MEF2B: variants seen among roughly 807,000 people sequenced by gnomAD.
The protein encoded by MEF2B is myocyte-specific enhancer factor 2B.
Under a neutral mutation model 32.2 loss-of-function variants are expected in MEF2B, and 15 were observed. The observed-to-expected ratio is 0.47, with a 90% CI of 0.31 to 0.72. MEF2B has a LOEUF of 0.72. Among genes scored for constraint, MEF2B ranks in the 30% least tolerant of loss-of-function variants. MEF2B has a pLI of 0.05. For missense variants in MEF2B, 441 were observed against 511.5 expected (o/e 0.86, Z 1.33); for synonymous variants, 205 against 225.6 (o/e 0.91, Z 0.82).
chr19:19,166,240 G>A (rs2060206574), intron 1 of MEF2B, among the ~76,000 whole-genome samples: 1 of 152,102 alleles, frequency 6.6e-6, no homozygotes, highest in South Asian at 2.1e-4. Flanking sequence ...GTGGGCCTGG[G>A]CTTGTCCAGC....
chr19:19,160,986 C>T lies in MEF2B; in HGVS notation c.-30+9219G>A, dbSNP rs146433472. 6.3e-4 allele frequency among the ~76,000 whole-genome samples: 96 copies of T among 152,200 alleles called. No homozygotes were observed. The East Asian group carries it at 0.016, about 26-fold the overall frequency. Reference sequence around the variant, plus strand: ...CAGTTCACAGCGGTCCCTGGAGCCCCGCACCTGCCCTCAGGGACTCAGGGG... The same window carrying T: ...CAGTTCACAGCGGTCCCTGGAGCCCTGCACCTGCCCTCAGGGACTCAGGGG... On this transcript the variant is annotated intron_variant, in intron 1 of 8. Coordinates refer to ENST00000424583, the MANE Select transcript of MEF2B (RefSeq NM_001145785.2).
intron 1 of MEF2B, among the ~76,000 whole-genome samples, chr19:19,167,547 G>GA (rs1458373039): frequency 6.6e-6 from 1 of 151,824 alleles, no homozygotes; most frequent in African/African-American, 2.4e-5. Flanking sequence ...AAGAAAGAAA[G>GA]AAAGAAACCT....
chr19:19,146,705 G>A, intron 6 of MEF2B, 37 bp downstream of exon 6: 1 of 1,613,732 alleles, frequency 6.2e-7, no homozygotes, highest in Non-Finnish European at 8.5e-7. Flanking sequence ...CGCCCTGCCT[G>A]CCCTCATCAG....
intron 2 of MEF2B, among the ~76,000 whole-genome samples, chr19:19,150,290 G>A (rs1470393634): frequency 2.0e-5 from 3 of 151,690 alleles, no homozygotes; most frequent in Non-Finnish European, 4.4e-5. Context: ...AGCACTTTGG[G>A]AGGCCGAGGC....
intron 1 of MEF2B, among the ~76,000 whole-genome samples, chr19:19,158,921 T>C (rs983307191): frequency 1.3e-5 from 2 of 150,496 alleles, no homozygotes; most frequent in Non-Finnish European, 3.0e-5. Flanking sequence ...CGGGCAACAT[T>C]GTGAGACTGA....
At chr19:19,167,624 T>G (rs968391298) in intron 1 of MEF2B, among the ~76,000 whole-genome samples, 3 of 152,178 alleles carry the variant, frequency 2.0e-5, no homozygotes, top group Non-Finnish European at 4.4e-5. Flanking sequence ...AGCAAATGTT[T>G]TAAATTCCCC....
chr19:19,166,064 C>T (rs2060205028), intron 1 of MEF2B, among the ~76,000 whole-genome samples: 1 of 152,136 alleles, frequency 6.6e-6, no homozygotes, highest in Admixed American at 6.5e-5. Context: ...GCCTGACCCC[C>T]AGACACCCCA....
intron 7 of MEF2B, 21 bp from the exon 8 acceptor site, chr19:19,146,405 G>C: frequency 9.3e-7 from 1 of 1,076,006 alleles, no homozygotes; most frequent in Non-Finnish European, 1.3e-6. Context: ...GGAATTGGGG[G>C]CTGAGGCCTG....
intron 1 of MEF2B, among the ~76,000 whole-genome samples, chr19:19,156,374 C>T (rs889756544): frequency 4.0e-5 from 6 of 151,246 alleles, no homozygotes; most frequent in East Asian, 1.9e-4. Context: ...ACCTAGGCAA[C>T]ATAGCGAGAC....
chr19:19,146,275 G>A lies in MEF2B; in HGVS notation c.879C>T (p.Pro293=), dbSNP rs1413439161. 4 of 1,330,084 alleles carry A rather than the reference G, an allele frequency of 3.0e-6. No individual in the cohort carries two copies. Among genetic ancestry groups the A allele is most frequent in the Non-Finnish European group, 3.9e-6 (4 of 1,030,242 alleles). 82.4% of individuals were successfully genotyped at this position (1,330,084 alleles called of 1,614,324 possible). Residue 293 remains proline (P), a splice_region_variant and synonymous_variant, in exon 8 of 9, where the codon CCC becomes CCT. Transcript: ENST00000424583. The part of the protein sequence containing the change: ...GDGPPAVSSQ[P]SGGRSLGEEG... ...TGCCGTCGTCTCAGGGCACTTACCTGGGCTGGGAGGACACGGCGGGGGGCC... is the reference window on the plus strand; with the variant it reads ...TGCCGTCGTCTCAGGGCACTTACCTAGGCTGGGAGGACACGGCGGGGGGCC...
chr19:19,149,526 T>G, intron 2 of MEF2B, 97 bp from the exon 3 acceptor site: 1 of 1,482,694 alleles, frequency 6.7e-7, no homozygotes, highest in South Asian at 1.2e-5. Flanking sequence ...TCCTCGAACA[T>G]GCCTCAGGAT....
chr19:19,146,322 AG>A lies in MEF2B; in HGVS notation c.831del (p.Trp278GlyfsTer126). On this transcript the variant is annotated frameshift_variant, in exon 8 of 9. Transcript: ENST00000424583. LOFTEE classifies it low-confidence loss of function (END_TRUNC). The part of the protein sequence containing the change: ...PGLLQPPTLA[P>X]WQPSRGDGPP... ...GGCCCATCACCCCTCGAGGGCTGCC[AG>A]GGGGCCAGGGTGGGGGGCTGCAACA... 3.7e-6 allele frequency: 4 copies of A among 1,081,716 alleles called. No individual in the cohort carries two copies. Among genetic ancestry groups the A allele is most frequent in the Non-Finnish European group, 4.6e-6 (4 of 870,850 alleles). The allele number at this position is 1,081,716 out of a possible 1,614,324, so 67.0% of individuals were successfully genotyped here.
At chr19:19,149,524 C>G in intron 2 of MEF2B, 95 bp from the exon 3 acceptor site, 1 of 1,500,642 alleles carries the variant, frequency 6.7e-7, no homozygotes, top group Non-Finnish European at 9.1e-7. Context: ...CTTCCTCGAA[C>G]ATGCCTCAGG....
chr19:19,145,915 G>A lies in MEF2B; in HGVS notation c.989C>T (p.Pro330Leu). The A allele has an allele frequency of 1.4e-6, 2 of 1,441,000 alleles. No homozygotes were observed. The highest frequency in any genetic ancestry group is 1.8e-6 in the Non-Finnish European group (2 of 1,096,072). 89.3% of individuals were successfully genotyped at this position (1,441,000 alleles called of 1,614,324 possible). A position where few individuals can be genotyped will look rare whatever the true frequency, so the allele number is the denominator to read the frequency against. ...GGGGAAGGTCTTAGGAAAGTCGCCGGGGCCCCCGGGGGCCGGAGAGAGGCG... is the reference window on the plus strand; with the variant it reads ...GGGGAAGGTCTTAGGAAAGTCGCCGAGGCCCCCGGGGGCCGGAGAGAGGCG... The part of the protein sequence containing the change: ...SERLSPAPGG[P>L]GDFPKTFPYP... Residue 330 changes from proline (P) to leucine (L), a missense_variant, in exon 9 of 9, where the codon CCC (proline) becomes CTC (leucine). By Grantham distance (98) the Pro-to-Leu change is moderately conservative (BLOSUM62 -3). Coordinates refer to ENST00000424583, the MANE Select transcript of MEF2B (RefSeq NM_001145785.2). The surrounding 1 kb of genome is among the most constrained non-coding windows in gnomAD (Gnocchi z 4.6).
At chr19:19,162,775 A>T (rs1468043559) in intron 1 of MEF2B, among the ~76,000 whole-genome samples, 1 of 152,188 alleles carries the variant, frequency 6.6e-6, no homozygotes, top group Non-Finnish European at 1.5e-5. Context: ...CCATGCACAG[A>T]GAGGCCAGGG....
chr19:19,157,426 G>A (rs1000549402), intron 1 of MEF2B: 1 of 152,074 alleles, frequency 6.6e-6, no homozygotes, highest in Non-Finnish European at 1.5e-5. Flanking sequence ...ACAGAAAAAG[G>A]GTGCACTCTC....
At chr19:19,159,533 T>G (rs2060143995) in intron 1 of MEF2B, among the ~76,000 whole-genome samples, 1 of 151,988 alleles carries the variant, frequency 6.6e-6, no homozygotes, top group Non-Finnish European at 1.5e-5. Context: ...AGAGTTTGAA[T>G]GGAGACAGGG....
At chr19:19,163,424 A>G (rs1220935491) in intron 1 of MEF2B, among the ~76,000 whole-genome samples, 2 of 152,140 alleles carry the variant, frequency 1.3e-5, no homozygotes, top group Non-Finnish European at 2.9e-5. Context: ...TGCTGGGATT[A>G]CAGGTGTAAG....
At chr19:19,164,043 C>T (rs1182719811) in intron 1 of MEF2B, among the ~76,000 whole-genome samples, 4 of 151,672 alleles carry the variant, frequency 2.6e-5, no homozygotes, top group East Asian at 1.9e-4. Context: ...CTCAGCTCAC[C>T]GCAACCTCTG....
Sources: allele counts gnomAD v4.1 joint callset (sites outside exome capture counted in the v4.1 genomes callset), GRCh38; gene constraint gnomAD v4.1.1; non-coding constraint Gnocchi (gnomAD v3.1); transcripts MANE v1.5; gene names NCBI Gene and HGNC (gene_info 2026-07-23, HGNC 2026-07-21).